MYBL1: variants seen among roughly 807,000 people sequenced by gnomAD.
The protein encoded by MYBL1 is MYB proto-oncogene like 1.
In MYBL1, 17 loss-of-function variants were observed where a neutral mutation model predicts 96.3. That is an observed-to-expected ratio of 0.18 (90% CI 0.12 to 0.26). MYBL1 has a LOEUF of 0.26. Ranked by LOEUF, MYBL1 falls within the 10% of genes least tolerant of loss-of-function variation. The pLI is 1.00. For synonymous variants in MYBL1, 282 were observed against 292.7 expected, an observed-to-expected ratio of 0.96 and a Z score of 0.37; for missense variants, 701 against 882.9, an observed-to-expected ratio of 0.79 and a Z score of 2.61.
rs534193649 is a variant in MYBL1 at position 66,607,323 on chromosome 8, T to TACTGCA, written c.21-4801_21-4800insTGCAGT. ...TAAAACACCACACTGCAGCTTTCTG[T>TACTGCA]CCTATTTGTATGTACTAAGAGCACC... On this transcript the variant is annotated intron_variant, in intron 1 of 15. Coordinates refer to ENST00000522677, the MANE Select transcript of MYBL1 (RefSeq NM_001080416.4). 2.1e-3 allele frequency among the ~76,000 whole-genome samples: 317 copies of TACTGCA among 152,254 alleles called. 1 individual carries two copies. Among genetic ancestry groups the TACTGCA allele is most frequent in the Middle Eastern group, 6.8e-3 (2 of 294 alleles).
intron 12 of MYBL1, 32 bp downstream of exon 12, chr8:66,572,450 A>G: frequency 9.3e-7 from 1 of 1,079,860 alleles, no homozygotes; most frequent in Non-Finnish European, 1.3e-6. Flanking sequence ...TAAAATTAGG[A>G]AAATTATTAA....
intron 12 of MYBL1, among the ~76,000 whole-genome samples, 183 bp downstream of exon 12, chr8:66,572,299 G>A (rs1338393015): frequency 7.6e-5 from 11 of 145,132 alleles, no homozygotes; most frequent in African/African-American, 2.8e-4. Context: ...TAGCCTGGGC[G>A]ACAAAGTAAG....
Position 66,588,275 on chromosome 8 carries a change from C to A in MYBL1, c.867+4165G>T, listed in dbSNP as rs569509465. ...CAATCAGACAGACCTAAATGTGAAT[C>A]TCTTTTTTTTTTTTTTTTTTTTGAG... is the stretch of plus-strand genomic sequence containing the variant. On this transcript the variant is annotated intron_variant, in intron 8 of 15. Coordinates refer to ENST00000522677, the MANE Select transcript of MYBL1 (RefSeq NM_001080416.4). 2.0e-5 allele frequency among the ~76,000 whole-genome samples: 3 copies of A among 147,132 alleles called. No individual in the cohort carries two copies. The South Asian group carries it at 6.5e-4, about 32-fold the overall frequency.
intron 9 of MYBL1, among the ~76,000 whole-genome samples, 169 bp from the exon 10 acceptor site, chr8:66,576,544 G>A (rs774754766): frequency 2.6e-5 from 4 of 152,000 alleles, no homozygotes; most frequent in Non-Finnish European, 5.9e-5. Context: ...AACAGATTAT[G>A]GCTTTCCTAT....
intron 8 of MYBL1, among the ~76,000 whole-genome samples, chr8:66,586,113 C>T (rs991786478): frequency 6.7e-6 from 1 of 149,460 alleles, no homozygotes; most frequent in Non-Finnish European, 1.5e-5. Context: ...TGGTGCCATC[C>T]CAGCTCACTG....
intron 7 of MYBL1, 148 bp from the exon 8 acceptor site, chr8:66,592,692 C>T: frequency 1.9e-6 from 1 of 520,746 alleles, no homozygotes; most frequent in Non-Finnish European, 3.3e-6. Flanking sequence ...CTCATTATCA[C>T]AATCCCTCTG....
At chr8:66,590,713 T>C (rs1809605277) in intron 8 of MYBL1, among the ~76,000 whole-genome samples, 1 of 151,106 alleles carries the variant, frequency 6.6e-6, no homozygotes, top group African/African-American at 2.4e-5. Flanking sequence ...CTAATAAAAA[T>C]AATAAGGCTC....
At chr8:66,602,734 T>TATATATATATA (rs1491369207) in intron 1 of MYBL1, among the ~76,000 whole-genome samples, 2 of 25,902 alleles carry the variant, frequency 7.7e-5, no homozygotes, top group African/African-American at 3.9e-4. Flanking sequence ...TATATATATA[T>TATATATATATA]TTTTTTTTTT....
chr8:66,610,615 G>C (rs563628305), intron 1 of MYBL1, among the ~76,000 whole-genome samples: 1 of 152,094 alleles, frequency 6.6e-6, no homozygotes, highest in East Asian at 1.9e-4. Flanking sequence ...AAGATACTTA[G>C]GTAAAAGGCA....
intron 9 of MYBL1, among the ~76,000 whole-genome samples, chr8:66,579,653 T>C (rs1809120300): frequency 7.0e-6 from 1 of 143,456 alleles, no homozygotes; most frequent in Admixed American, 6.8e-5. Context: ...TGAGATGCCA[T>C]CTTAAAAAAA....
At chr8:66,590,302 A>T (rs941810694) in intron 8 of MYBL1, among the ~76,000 whole-genome samples, 3 of 152,152 alleles carry the variant, frequency 2.0e-5, no homozygotes, top group Non-Finnish European at 4.4e-5. Flanking sequence ...CAAACAAAAA[A>T]TAAACAAACA....
chr8:66,612,745 G>A (rs1324907711), intron 1 of MYBL1, 74 bp downstream of exon 1: 1 of 1,313,872 alleles, frequency 7.6e-7, no homozygotes. Flanking sequence ...ATGGCGGGAG[G>A]GGGCAGCGGG....
At chr8:66,602,118 G>A (rs926340809) in intron 2 of MYBL1, among the ~76,000 whole-genome samples, 18 of 151,642 alleles carry the variant, frequency 1.2e-4, no homozygotes, top group African/African-American at 4.1e-4. Context: ...GTGCAATCTC[G>A]GCTCACTGCA....
At chr8:66,574,042 C>T (rs1808839775) in intron 10 of MYBL1, among the ~76,000 whole-genome samples, 1 of 152,054 alleles carries the variant, frequency 6.6e-6, no homozygotes, top group African/African-American at 2.4e-5. Context: ...TCTAAGCAGT[C>T]AAAACTGGCA....
Position 66,607,701 on chromosome 8 carries a change from A to C in MYBL1, c.20+5118T>G, listed in dbSNP as rs529334478. Among the ~76,000 whole-genome samples, 601 of 135,876 alleles carry C rather than the reference A, an allele frequency of 4.4e-3. 3 individuals are homozygous for C. Among genetic ancestry groups the C allele is most frequent in the African/African-American group, 0.014 (538 of 38,906 alleles). The allele number at this position is 135,876 out of a possible 152,430, so 89.1% of individuals were successfully genotyped here. On this transcript the variant is annotated intron_variant, in intron 1 of 15. Transcript: ENST00000522677. ...TGTTAAAGAAGACTTTCAAAACCCA[A>C]AAAAAAAAAAAAACACCTCCAAGTG...
Position 66,613,016 on chromosome 8 carries a change from G to A in MYBL1, c.-178C>T, listed in dbSNP as rs978067182. 3.0e-6 allele frequency: 2 copies of A among 655,884 alleles called. No homozygotes were observed. The highest frequency in any genetic ancestry group is 1.9e-5 in the African/African-American group (1 of 53,360). The allele number at this position is 655,884 out of a possible 1,614,324, so 40.6% of individuals were successfully genotyped here. ...GACGGAGGGACAGCGGGGGCGGACC[G>A]CGACCCGACCCCGACCCCGGCCCGC... On this transcript the variant is annotated 5_prime_UTR_variant, in exon 1 of 16. Coordinates refer to ENST00000522677, the MANE Select transcript of MYBL1 (RefSeq NM_001080416.4).
At chr8:66,605,595 C>T (rs1183578955) in intron 1 of MYBL1, among the ~76,000 whole-genome samples, 1 of 152,018 alleles carries the variant, frequency 6.6e-6, no homozygotes, top group Non-Finnish European at 1.5e-5. Context: ...CTGAGGCAGG[C>T]GGATCACCTG....
At chr8:66,585,478 T>G (rs1809379223) in intron 8 of MYBL1, among the ~76,000 whole-genome samples, 1 of 152,214 alleles carries the variant, frequency 6.6e-6, no homozygotes, top group Non-Finnish European at 1.5e-5. Flanking sequence ...AGTGGCCTCA[T>G]GCCTGTAATC....
At chr8:66,575,961 G>T (rs115320776) in intron 10 of MYBL1, 46 bp downstream of exon 10, 2 of 1,554,298 alleles carry the variant, frequency 1.3e-6, no homozygotes, top group Non-Finnish European at 1.7e-6. Context: ...CTAATTTAAT[G>T]TAACTCATTG....
Sources: allele counts gnomAD v4.1 joint callset (sites outside exome capture counted in the v4.1 genomes callset), GRCh38; gene constraint gnomAD v4.1.1; transcripts MANE v1.5; gene names NCBI Gene and HGNC (gene_info 2026-07-23, HGNC 2026-07-21).